CDKAL1: variants seen among roughly 807,000 people sequenced by gnomAD.
The protein encoded by CDKAL1 is CDKAL1 threonylcarbamoyladenosine tRNA methylthiotransferase, also known as threonylcarbamoyladenosine tRNA methylthiotransferase.
Under a neutral mutation model 68.2 loss-of-function variants are expected in CDKAL1, and 32 were observed. That is an observed-to-expected ratio of 0.47 (90% confidence interval 0.35 to 0.63). CDKAL1 has a LOEUF of 0.63. Among genes scored for constraint, CDKAL1 ranks in the 30% least tolerant of loss-of-function variants. The probability of loss-of-function intolerance (pLI) is 0.00; values close to 1 mark genes in which losing one functional copy is unlikely to be tolerated. For synonymous variants in CDKAL1, 234 were observed against 244.3 expected (o/e 0.96, Z 0.39); for missense variants, 606 against 696.7 (o/e 0.87, Z 1.47).
chr6:20,942,366 CTTT>C (rs70990083), intron 9 of CDKAL1, among the ~76,000 whole-genome samples: 70,226 of 124,834 alleles, frequency 0.56, 18,730 homozygotes, highest in South Asian at 0.62. Context: ...TATATATATA[CTTT>C]TTTTTTTTTT....
At chr6:21,070,966 A>AGG (rs1329354215) in intron 12 of CDKAL1, among the ~76,000 whole-genome samples, 2 of 152,136 alleles carry the variant, frequency 1.3e-5, no homozygotes, top group Non-Finnish European at 2.9e-5. Context: ...TATACATTAA[A>AGG]ATTTGTGAAG....
At chr6:21,218,926 A>C (rs1238301831) in intron 15 of CDKAL1, among the ~76,000 whole-genome samples, 1 of 152,242 alleles carries the variant, frequency 6.6e-6, no homozygotes. Context: ...CTTTTATAGT[A>C]ACATAAGTAA....
intron 15 of CDKAL1, among the ~76,000 whole-genome samples, chr6:21,206,226 T>C (rs1778930475): frequency 6.6e-6 from 1 of 152,144 alleles, no homozygotes; most frequent in Non-Finnish European, 1.5e-5. Flanking sequence ...AGTTTCTTTT[T>C]GTATACCAGA....
At chr6:20,777,973 G>A (rs1342826201) in intron 7 of CDKAL1, among the ~76,000 whole-genome samples, 1 of 152,108 alleles carries the variant, frequency 6.6e-6, no homozygotes, top group Admixed American at 6.5e-5. Context: ...CTGAATCTGT[G>A]GAAAGCAAAA....
In CDKAL1 at chr6:21,231,209, G is replaced by T; in HGVS notation, c.*170G>T. 1 of 471,784 alleles carries T rather than the reference G, an allele frequency of 2.1e-6. No individual in the cohort carries two copies. The highest frequency in any genetic ancestry group is 3.7e-6 in the Non-Finnish European group (1 of 270,160). 29.2% of individuals were successfully genotyped at this position (471,784 alleles called of 1,614,324 possible). On this transcript the variant is annotated 3_prime_UTR_variant, in exon 16 of 16. Coordinates refer to ENST00000274695, the MANE Select transcript of CDKAL1 (RefSeq NM_017774.3). Reference sequence around the variant, plus strand: ...GCTCCCCCTGTCTCACATTGAGTTGGGCCCATTGGTTATTTGACCTAAAAC... The same window carrying T: ...GCTCCCCCTGTCTCACATTGAGTTGTGCCCATTGGTTATTTGACCTAAAAC...
chr6:20,829,597 C>T (rs961346396), intron 8 of CDKAL1, among the ~76,000 whole-genome samples: 2 of 152,164 alleles, frequency 1.3e-5, no homozygotes, highest in African/African-American at 2.4e-5. Context: ...TAGGCAAAAT[C>T]TTGTGTGCAG....
At chr6:20,753,925 C>T (rs1774046045) in intron 6 of CDKAL1, among the ~76,000 whole-genome samples, 1 of 151,610 alleles carries the variant, frequency 6.6e-6, no homozygotes, top group Non-Finnish European at 1.5e-5. Context: ...TCCAATTTCT[C>T]CACATTTTCA....
At chr6:20,600,744 G>A (rs1005728085) in intron 4 of CDKAL1, among the ~76,000 whole-genome samples, 28 of 95,854 alleles carry the variant, frequency 2.9e-4, no homozygotes, top group African/African-American at 8.5e-4. Context: ...TAAAAAACCT[G>A]GATGGAGAGA....
At chr6:20,968,114 G>A (rs1056086101) in intron 10 of CDKAL1, among the ~76,000 whole-genome samples, 1 of 149,864 alleles carries the variant, frequency 6.7e-6, no homozygotes, top group Non-Finnish European at 1.5e-5. Flanking sequence ...AGTTTCTAGA[G>A]CTTTTAGGAT....
intron 11 of CDKAL1, among the ~76,000 whole-genome samples, chr6:21,047,660 C>T (rs994383676): frequency 2.6e-5 from 4 of 152,106 alleles, no homozygotes; most frequent in Non-Finnish European, 5.9e-5. Context: ...CATCCTTGTC[C>T]ACCAGGTGCT....
At chr6:21,208,710 A>G (rs902713042) in intron 15 of CDKAL1, among the ~76,000 whole-genome samples, 4 of 151,928 alleles carry the variant, frequency 2.6e-5, no homozygotes, top group African/African-American at 4.8e-5. Flanking sequence ...TATTTTATGC[A>G]TTTTTCTTTC....
At chr6:21,047,572 G>A (rs1770313848) in intron 11 of CDKAL1, among the ~76,000 whole-genome samples, 1 of 152,134 alleles carries the variant, frequency 6.6e-6, no homozygotes, top group Non-Finnish European at 1.5e-5. Context: ...TTAAGTCAGT[G>A]GGCACTTTTA....
intron 13 of CDKAL1, among the ~76,000 whole-genome samples, chr6:21,140,877 C>T (rs1052559931): frequency 3.9e-5 from 6 of 152,052 alleles, no homozygotes; most frequent in South Asian, 2.1e-4. Flanking sequence ...GGGAGGCCTC[C>T]GAATCATGGC....
chr6:20,739,805 G>A (rs1773366394), intron 6 of CDKAL1, among the ~76,000 whole-genome samples, 190 bp downstream of exon 6: 1 of 152,098 alleles, frequency 6.6e-6, no homozygotes, highest in South Asian at 2.1e-4. Context: ...ACAAAAACAT[G>A]TGTTAGTTTC....
At chr6:20,770,714 C>G (rs1201672527) in intron 7 of CDKAL1, among the ~76,000 whole-genome samples, 1 of 152,156 alleles carries the variant, frequency 6.6e-6, no homozygotes, top group Non-Finnish European at 1.5e-5. Context: ...CATGGGGCCC[C>G]TTCCTGCCAA....
At chr6:20,798,917 CAAAAA>C (rs200034795) in intron 8 of CDKAL1, among the ~76,000 whole-genome samples, 14,257 of 103,188 alleles carry the variant, frequency 0.14, 696 homozygotes, top group African/African-American at 0.17. Context: ...TATAATAATA[CAAAAA>C]AAAAAAAAAA....
chr6:20,876,388 C>A (rs1043507327), intron 9 of CDKAL1, among the ~76,000 whole-genome samples: 4 of 152,152 alleles, frequency 2.6e-5, no homozygotes, highest in Admixed American at 6.5e-5. Context: ...ACAGGACATT[C>A]AGGGTGCCAC....
At chr6:20,896,603 C>G (rs964609027) in intron 9 of CDKAL1, among the ~76,000 whole-genome samples, 1 of 151,944 alleles carries the variant, frequency 6.6e-6, no homozygotes, top group Non-Finnish European at 1.5e-5. Context: ...TAATGAAAAC[C>G]ATGGTTTGAG....
At chr6:20,751,676 T>A (rs1773929943) in intron 6 of CDKAL1, among the ~76,000 whole-genome samples, 1 of 152,226 alleles carries the variant, frequency 6.6e-6, no homozygotes, top group African/African-American at 2.4e-5. Context: ...GGATTTCTTT[T>A]TAAAGTTCTG....
Sources: gnomAD v4.1 joint callset for allele counts (sites outside exome capture counted in the v4.1 genomes callset) on GRCh38, gnomAD v4.1.1 for gene constraint, MANE v1.5 for transcripts, NCBI Gene and HGNC (gene_info 2026-07-23, HGNC 2026-07-21) for gene names.